EIF1B: variants seen among roughly 807,000 people sequenced by gnomAD.
EIF1B encodes protein translation factor SUI1 homolog GC20.
A neutral mutation model predicts 14.8 loss-of-function variants in EIF1B; 5 were observed. The ratio of observed to expected loss-of-function variants is 0.34; its 90% CI spans 0.18 to 0.71. The LOEUF (loss-of-function observed/expected upper bound fraction) is 0.71. EIF1B is among the 30% of genes least tolerant of loss of function. The probability of loss-of-function intolerance (pLI) is 0.64; values close to 1 mark genes in which losing one functional copy is unlikely to be tolerated. For missense variants in EIF1B, 56 were observed against 134.0 expected (o/e 0.42, Z 2.87); for synonymous variants, 45 against 45.8 (o/e 0.98, Z 0.07).
chr3:40,309,949 C>G lies in EIF1B; in HGVS notation c.8C>G (p.Thr3Ser). 6.2e-7 allele frequency: 1 copy of G among 1,614,088 alleles called. No homozygotes were observed. ...GCCTCACACTAGTATCGCATGTCCA[C>G]TATCCAGAACCTCCAATCTTTCGGT... Reference protein sequence around the residue: MSTIQNLQSFDPF... With the variant: MSSIQNLQSFDPF... The change falls in exon 1 of 4, where the codon ACT (threonine) becomes AGT (serine). Residue 3 changes from threonine to serine, a missense_variant. Transcript: ENST00000232905.
intron 1 of EIF1B, 121 bp downstream of exon 1, chr3:40,310,093 G>A: frequency 7.3e-7 from 1 of 1,363,774 alleles, no homozygotes; most frequent in South Asian, 1.2e-5. Context: ...GTGGGGCTTT[G>A]TCTCGGCGCC....
rs1156671882 is a variant in EIF1B, at chr3:40,309,777, G to T, written c.-165G>T. Reference sequence around the variant, plus strand: ...TCCGCCTCCTCCTTCGCCTCTTCCTGCCTCCTCCCGGCTTCCGCCGCCGCC... The same window carrying T: ...TCCGCCTCCTCCTTCGCCTCTTCCTTCCTCCTCCCGGCTTCCGCCGCCGCC... On this transcript the variant is annotated 5_prime_UTR_variant, in exon 1 of 4. Coordinates refer to ENST00000232905, the MANE Select transcript of EIF1B (RefSeq NM_005875.3). 9 of 740,282 alleles carry T rather than the reference G, an allele frequency of 1.2e-5. No homozygotes were observed. The highest frequency in any genetic ancestry group is 2.0e-5 in the Non-Finnish European group (9 of 446,912). The allele number at this position is 740,282 out of a possible 1,614,324, so 45.9% of individuals were successfully genotyped here.
At chr3:40,310,054 G>C in intron 1 of EIF1B, 82 bp downstream of exon 1, 1 of 1,578,092 alleles carries the variant, frequency 6.3e-7, no homozygotes, top group East Asian at 2.2e-5. Context: ...GCCCCTAGGG[G>C]CCCCCTTTCT....
At chr3:40,310,005 G>A (rs775378360) in intron 1 of EIF1B, 33 bp downstream of exon 1, 4 of 1,612,696 alleles carry the variant, frequency 2.5e-6, no homozygotes, top group South Asian at 2.2e-5. Context: ...TCCCTCCCTT[G>A]CCCGGCGCGC....
intron 2 of EIF1B, 162 bp downstream of exon 2, chr3:40,311,218 G>T (rs1166538275): frequency 2.9e-6 from 2 of 694,672 alleles, no homozygotes; most frequent in Non-Finnish European, 4.5e-6. Flanking sequence ...TCCCAGTGTG[G>T]TCTCTCATTT....
At position 40,310,966 on chromosome 3, in the gene EIF1B, C is replaced by T. The variant is rs114327418; in HGVS notation, c.105C>T (p.Ile35=). 790 of 1,613,672 alleles carry T rather than the reference C, an allele frequency of 4.9e-4. No individual in the cohort carries two copies. The African/African-American group carries it at 9.6e-3, about 20-fold the overall frequency. The change falls in exon 2 of 4, where the codon ATC becomes ATT. Residue 35 remains isoleucine, a synonymous_variant. Transcript: ENST00000232905. ...CTGAGGATTACATTCATATAAGAAT[C>T]CAGCAACGGAACGGCAGAAAGACAC... ...AGTEDYIHIR[I]QQRNGRKTLT... is the part of the protein sequence containing the mutation.
chr3:40,311,657 A>G (rs1043664305), intron 3 of EIF1B, 86 bp downstream of exon 3: 10 of 1,101,986 alleles, frequency 9.1e-6, no homozygotes, highest in Admixed American at 2.0e-5. Context: ...TCTACTAAGT[A>G]AAAAATCATA....
At position 40,312,089 on chromosome 3, in the gene EIF1B, AT is replaced by A; in HGVS notation, c.*77del. 9.8e-7 allele frequency: 1 copy of A among 1,016,518 alleles called. No individual in the cohort carries two copies. The highest frequency in any genetic ancestry group is 1.5e-6 in the Non-Finnish European group (1 of 645,716). 63.0% of individuals were successfully genotyped at this position (1,016,518 alleles called of 1,614,324 possible). ...CCCGGTTTGGCTGCCTTGTGAAATG[AT>A]TCCCTGCAGTAAACGGACTTTTCAT... is the stretch of plus-strand genomic sequence containing the variant. On this transcript the variant is annotated 3_prime_UTR_variant, in exon 4 of 4. Transcript: ENST00000232905.
chr3:40,310,236 G>T (rs1368356859), intron 1 of EIF1B, among the ~76,000 whole-genome samples: 2 of 152,228 alleles, frequency 1.3e-5, no homozygotes, highest in African/African-American at 2.4e-5. Context: ...TCTCGCCTCC[G>T]CTTCTGCCCC....
At chr3:40,310,002 C>A (rs555757209) in intron 1 of EIF1B, 30 bp downstream of exon 1, 1 of 1,613,026 alleles carries the variant, frequency 6.2e-7, no homozygotes, top group East Asian at 2.2e-5. Context: ...GCCTCCCTCC[C>A]TTGCCCGGCG....
rs889363457 is a variant in EIF1B at position 40,309,739 on chromosome 3, C to T, written c.-203C>T. 21 of 598,456 alleles carry T rather than the reference C, an allele frequency of 3.5e-5. No individual in the cohort carries two copies. Among genetic ancestry groups the T allele is most frequent in the Non-Finnish European group, 4.7e-5 (16 of 341,630 alleles). The allele number at this position is 598,456 out of a possible 1,614,324, so 37.1% of individuals were successfully genotyped here. A position where few individuals can be genotyped will look rare whatever the true frequency, so the allele number is the denominator to read the frequency against. Reference sequence around the variant, plus strand: ...CGCAGCGCCGCCTCTTCTCTCGCGCCCTCGCCTCTTCCTCCGCCTCCTCCT... The same window carrying T: ...CGCAGCGCCGCCTCTTCTCTCGCGCTCTCGCCTCTTCCTCCGCCTCCTCCT... On this transcript the variant is annotated 5_prime_UTR_variant, in exon 1 of 4. Transcript: ENST00000232905.
chr3:40,311,979 G>A lies in EIF1B; in HGVS notation c.307G>A (p.Val103Ile). 1.2e-6 allele frequency: 2 copies of A among 1,606,128 alleles called. No homozygotes were observed. The highest frequency in any genetic ancestry group is 1.1e-5 in the South Asian group (1 of 90,564). ...ICQFLLEVGI[V>I]KEEQLKVHGF ...AGATTTTATTTTACAGGTTGGCATT[G>A]TAAAGGAGGAACAGCTTAAGGTTCA... The change falls in exon 4 of 4, where the codon GTA becomes ATA. Residue 103 changes from valine to isoleucine, a missense_variant. Val to Ile is a conservative substitution (Grantham distance 29). This residue lies in a region of EIF1B where 35 missense variants were observed against 82.9 expected (regional missense o/e 0.42). Coordinates refer to ENST00000232905, the MANE Select transcript of EIF1B (RefSeq NM_005875.3).
intron 1 of EIF1B, among the ~76,000 whole-genome samples, chr3:40,310,234 C>T (rs550366080): frequency 6.6e-6 from 1 of 152,254 alleles, no homozygotes; most frequent in African/African-American, 2.4e-5. Context: ...GCTCTCGCCT[C>T]CGCTTCTGCC....
chr3:40,309,853 G>A lies in EIF1B; in HGVS notation c.-89G>A, dbSNP rs1401178866. 25 of 1,482,488 alleles carry A rather than the reference G, an allele frequency of 1.7e-5. No individual in the cohort carries two copies. Among genetic ancestry groups the A allele is most frequent in the Non-Finnish European group, 2.3e-5 (25 of 1,066,188 alleles). 91.8% of individuals were successfully genotyped at this position (1,482,488 alleles called of 1,614,324 possible). On this transcript the variant is annotated 5_prime_UTR_variant, in exon 1 of 4. Transcript: ENST00000232905. ...GCGAAGCGTTTTCTTATTTATTTCC[G>A]TTTTCTCGCCACTACAGCCTCCTGA...
Position 40,309,783 on chromosome 3 carries a change from TCCC to T in EIF1B, c.-158_-156del. 1.2e-6 allele frequency: 1 copy of T among 802,952 alleles called. No individual in the cohort carries two copies. Among genetic ancestry groups the T allele is most frequent in the African/African-American group, 1.7e-5 (1 of 58,270 alleles). 49.7% of individuals were successfully genotyped at this position (802,952 alleles called of 1,614,324 possible). The stretch of plus-strand genomic sequence containing the variant: ...TCCTCCTTCGCCTCTTCCTGCCTCC[TCCC>T]GGCTTCCGCCGCCGCCACTCCAGCC... On this transcript the variant is annotated 5_prime_UTR_variant, in exon 1 of 4. Transcript: ENST00000232905.
intron 3 of EIF1B, 178 bp downstream of exon 3, chr3:40,311,749 G>T: frequency 1.5e-6 from 1 of 665,076 alleles, no homozygotes. Context: ...TTTGTCATTA[G>T]AGTATTCTGA....
At chr3:40,310,622 G>T in intron 1 of EIF1B, 1 of 292,110 alleles carries the variant, frequency 3.4e-6, no homozygotes. Flanking sequence ...TTTCTCATTA[G>T]AGGACCATAT....
chr3:40,310,434 T>G (rs73073551), intron 1 of EIF1B, among the ~76,000 whole-genome samples: 3,396 of 152,210 alleles, frequency 0.022, 54 homozygotes, highest in South Asian at 0.037. Flanking sequence ...TCTGCTTGCG[T>G]AGCAATTTGT....
intron 1 of EIF1B, 29 bp from the exon 2 acceptor site, chr3:40,310,864 A>ATT (rs35523102): frequency 3.3e-4 from 470 of 1,410,592 alleles, no homozygotes; most frequent in Admixed American, 7.4e-4. Flanking sequence ...TCTACTTTGG[A>ATT]TTTTTTTTTT....
Sources: gnomAD v4.1 joint callset for allele counts (sites outside exome capture counted in the v4.1 genomes callset) on GRCh38, gnomAD v4.1.1 for gene constraint, gnomAD v4.1.1 regional missense constraint, MANE v1.5 for transcripts, NCBI Gene and HGNC (gene_info 2026-07-23, HGNC 2026-07-21) for gene names.